KCNH1: variants seen among roughly 807,000 people sequenced by gnomAD.
KCNH1 encodes the protein potassium voltage-gated channel subfamily H member 1, also known as voltage-gated delayed rectifier potassium channel KCNH1.
In KCNH1, 27 loss-of-function variants were observed where a neutral mutation model predicts 69.2. The ratio of observed to expected loss-of-function variants is 0.39; its 90% CI spans 0.29 to 0.54. The LOEUF (loss-of-function observed/expected upper bound fraction) is 0.54. KCNH1 is among the 20% of genes least tolerant of loss of function. KCNH1 has a pLI of 0.68. For synonymous variants in KCNH1, 456 were observed against 487.7 expected (o/e 0.93, Z 0.86); for missense variants, 798 against 1,261.6 (o/e 0.63, Z 5.57).
chr1:210,961,117 C>T lies in KCNH1; in HGVS notation c.1033-41048G>A, dbSNP rs571946578. On this transcript the variant is annotated intron_variant, in intron 6 of 10. Transcript: ENST00000271751. ...GGTCAGTTTTCATGTGCTTATTTGC[C>T]ATCTTCATATCTGCTTTGATGAAAT... Among the ~76,000 whole-genome samples, 11 of 152,212 alleles carry T rather than the reference C, an allele frequency of 7.2e-5. No homozygotes were observed. The South Asian group carries it at 2.3e-3, about 32-fold the overall frequency.
chr1:210,742,867 G>A (rs896207764), intron 10 of KCNH1, among the ~76,000 whole-genome samples: 2 of 152,234 alleles, frequency 1.3e-5, no homozygotes, highest in South Asian at 4.1e-4. Flanking sequence ...GCGCGCGCGC[G>A]TGCACGTGCA....
At chr1:210,816,957 C>A (rs886325310) in intron 7 of KCNH1, among the ~76,000 whole-genome samples, 1 of 152,128 alleles carries the variant, frequency 6.6e-6, no homozygotes, top group Non-Finnish European at 1.5e-5. Flanking sequence ...AGAAATACTT[C>A]TTTCAATAAT....
chr1:210,757,920 C>T (rs1683433552), intron 10 of KCNH1, among the ~76,000 whole-genome samples: 2 of 152,238 alleles, frequency 1.3e-5, no homozygotes, highest in Non-Finnish European at 2.9e-5. Context: ...TGAAGAGCTA[C>T]ACAGGGCATG....
rs1302806184 is a variant in KCNH1, at chr1:211,018,716, G to A, written c.1032+67C>T. ...TTCCCACCCATTTAATTATTCTTCT[G>A]TTGACCACCCACATTTAACTCAGTT... On this transcript the variant is annotated intron_variant, in intron 6 of 10. Coordinates refer to ENST00000271751, the MANE Select transcript of KCNH1 (RefSeq NM_172362.3). 4 of 1,251,860 alleles carry A rather than the reference G, an allele frequency of 3.2e-6. No homozygotes were observed. The Admixed American group carries it at 8.4e-5, about 26-fold the overall frequency. The allele number at this position is 1,251,860 out of a possible 1,614,324, so 77.5% of individuals were successfully genotyped here.
intron 6 of KCNH1, among the ~76,000 whole-genome samples, chr1:210,940,675 C>A (rs1687861429): frequency 6.6e-6 from 1 of 152,172 alleles, no homozygotes; most frequent in African/African-American, 2.4e-5. Flanking sequence ...TAATTTATGG[C>A]TTTTTCCTTC....
intron 2 of KCNH1, among the ~76,000 whole-genome samples, chr1:211,103,976 TAAGG>T (rs1437490398): frequency 1.3e-5 from 2 of 152,112 alleles, no homozygotes; most frequent in South Asian, 2.1e-4. Flanking sequence ...AGATTAGGTC[TAAGG>T]GGCAGGAAGG....
At chr1:211,066,329 T>A (rs1690530268) in intron 5 of KCNH1, among the ~76,000 whole-genome samples, 1 of 152,146 alleles carries the variant, frequency 6.6e-6, no homozygotes, top group Non-Finnish European at 1.5e-5. Context: ...TTTTCCAAAA[T>A]GCTCGGGACC....
intron 7 of KCNH1, among the ~76,000 whole-genome samples, chr1:210,866,399 C>CA (rs1237572279): frequency 3.3e-5 from 5 of 151,882 alleles, no homozygotes; most frequent in Non-Finnish European, 7.4e-5. Context: ...GAATATATTA[C>CA]AAAAAACTCA....
intron 5 of KCNH1, among the ~76,000 whole-genome samples, chr1:211,047,401 T>C (rs1489523862): frequency 2.0e-5 from 3 of 151,422 alleles, no homozygotes; most frequent in Non-Finnish European, 4.4e-5. Context: ...GACAGGGAGG[T>C]GGGGAATGGG....
chr1:211,075,201 C>A (rs4951499), intron 5 of KCNH1, among the ~76,000 whole-genome samples: 113,818 of 152,062 alleles, frequency 0.75, 43,191 homozygotes, highest in Non-Finnish European at 0.81. Flanking sequence ...TTTCTATCAT[C>A]AGCCAAGCCC....
chr1:210,950,382 C>A (rs1448180748), intron 6 of KCNH1, among the ~76,000 whole-genome samples: 1 of 66,174 alleles, frequency 1.5e-5, no homozygotes, highest in Non-Finnish European at 3.1e-5. Flanking sequence ...CCCCACCCCA[C>A]AACAGTCCCC....
At chr1:210,916,571 GGA>G (rs1426965418) in intron 7 of KCNH1, among the ~76,000 whole-genome samples, 1 of 152,200 alleles carries the variant, frequency 6.6e-6, no homozygotes, top group African/African-American at 2.4e-5. Context: ...CGCTACCACA[GGA>G]GAGAGATCTG....
rs1686043990 is a variant in KCNH1 at position 210,863,963 on chromosome 1, C to T, written c.1462+55677G>A. ...CACATGCACCCTTCTCAGGAGAGGGCAATTAGGAAACCTGCTGCTAACTAG... is the reference window on the plus strand; with the variant it reads ...CACATGCACCCTTCTCAGGAGAGGGTAATTAGGAAACCTGCTGCTAACTAG... On this transcript the variant is annotated intron_variant, in intron 7 of 10. Transcript: ENST00000271751. Among the ~76,000 whole-genome samples, 2 of 98,120 alleles carry T rather than the reference C, an allele frequency of 2.0e-5. 1 individual carries two copies. The highest frequency in any genetic ancestry group is 1.9e-4 in the Admixed American group (2 of 10,378). The allele number at this position is 98,120 out of a possible 152,430, so 64.4% of individuals were successfully genotyped here.
intron 1 of KCNH1, among the ~76,000 whole-genome samples, chr1:211,124,693 G>A (rs989170956): frequency 3.3e-5 from 5 of 152,150 alleles, no homozygotes; most frequent in Non-Finnish European, 7.4e-5. Context: ...CCAGGGTCTT[G>A]GCAGCAAAAT....
intron 7 of KCNH1, chr1:210,859,181 A>G (rs930476378): frequency 6.4e-7 from 1 of 1,573,300 alleles, no homozygotes; most frequent in African/African-American, 1.3e-5. Flanking sequence ...AACTCAATTC[A>G]TCCCTGGTAC....
intron 5 of KCNH1, among the ~76,000 whole-genome samples, chr1:211,073,315 T>A (rs1211876717): frequency 6.6e-6 from 1 of 152,222 alleles, no homozygotes; most frequent in Non-Finnish European, 1.5e-5. Context: ...TGGACAGATT[T>A]AGCAGGCAGA....
At chr1:211,030,003 T>C (rs1689752898) in intron 5 of KCNH1, among the ~76,000 whole-genome samples, 1 of 152,114 alleles carries the variant, frequency 6.6e-6, no homozygotes, top group Non-Finnish European at 1.5e-5. Flanking sequence ...AAAATGCTGA[T>C]GAAAGAGATT....
At chr1:210,911,157 A>G (rs1185044164) in intron 7 of KCNH1, among the ~76,000 whole-genome samples, 1 of 152,214 alleles carries the variant, frequency 6.6e-6, no homozygotes, top group East Asian at 1.9e-4. Flanking sequence ...TTGTGAAGAC[A>G]TCAGTACACA....
At chr1:211,045,978 C>T (rs1317454860) in intron 5 of KCNH1, among the ~76,000 whole-genome samples, 2 of 152,192 alleles carry the variant, frequency 1.3e-5, no homozygotes, top group Non-Finnish European at 2.9e-5. Flanking sequence ...GCATAACGTC[C>T]TCCAGTTTCA....
Sources: gnomAD v4.1 joint callset for allele counts (sites outside exome capture counted in the v4.1 genomes callset) on GRCh38, gnomAD v4.1.1 for gene constraint, MANE v1.5 for transcripts, NCBI Gene and HGNC (gene_info 2026-07-23, HGNC 2026-07-21) for gene names.